DOCK7: variants seen among roughly 807,000 people sequenced by gnomAD.
DOCK7 encodes dedicator of cytokinesis protein 7.
Under a neutral mutation model 271.0 loss-of-function variants are expected in DOCK7, and 138 were observed. The observed-to-expected ratio is 0.51, with a 90% CI of 0.44 to 0.59. The LOEUF is 0.59. Ranked by LOEUF, DOCK7 falls within the 20% of genes least tolerant of loss-of-function variation. The pLI is 0.00. For missense variants in DOCK7, 2,066 were observed against 2,592.4 expected (o/e 0.80, Z 4.41); for synonymous variants, 823 against 876.1 (o/e 0.94, Z 1.07).
chr1:62,492,393 A>G lies in DOCK7; in HGVS notation c.5361+311T>C. ...AGCCTCAACCTCTTGGGCTCAAGCA[A>G]TCCTCCCACCTCAGCCTCTCAAGTA... On this transcript the variant is annotated intron_variant, in intron 41 of 49. Transcript: ENST00000635253. 3 of 273,536 alleles carry G rather than the reference A, an allele frequency of 1.1e-5. 1 individual carries two copies. In the South Asian group the frequency reaches 1.3e-4, roughly 11 times the overall value. 16.9% of individuals were successfully genotyped at this position (273,536 alleles called of 1,614,324 possible).
chr1:62,537,133 A>G (rs2149388361), intron 28 of DOCK7, among the ~76,000 whole-genome samples: 1 of 152,272 alleles, frequency 6.6e-6, no homozygotes, highest in South Asian at 2.1e-4. Flanking sequence ...TTTCACAGGT[A>G]TTGATCTCTA....
At chr1:62,527,885 A>AG (rs1430673824) in intron 31 of DOCK7, among the ~76,000 whole-genome samples, 2 of 151,554 alleles carry the variant, frequency 1.3e-5, no homozygotes, top group Non-Finnish European at 2.9e-5. Flanking sequence ...AAAAAAAAAA[A>AG]AAAAAGAAAT....
intron 1 of DOCK7, among the ~76,000 whole-genome samples, chr1:62,667,796 C>T (rs1318261327): frequency 6.6e-6 from 1 of 152,012 alleles, no homozygotes; most frequent in Non-Finnish European, 1.5e-5. Flanking sequence ...GGCAGGCGAA[C>T]TGCCTGAGGT....
chr1:62,677,282 C>T (rs1291775441), intron 1 of DOCK7, among the ~76,000 whole-genome samples: 1 of 152,158 alleles, frequency 6.6e-6, no homozygotes, highest in Non-Finnish European at 1.5e-5. Flanking sequence ...TCCTATACCC[C>T]TAAACATAGT....
intron 24 of DOCK7, 126 bp from the exon 25 acceptor site, chr1:62,542,829 A>G (rs1223862865): frequency 6.8e-6 from 5 of 736,970 alleles, no homozygotes; most frequent in Non-Finnish European, 8.9e-6. Flanking sequence ...GAACCATTCA[A>G]TGATGCACTG....
intron 48 of DOCK7, chr1:62,458,156 GGTGTGTGTGTGTGTGT>G: frequency 6.5e-6 from 1 of 153,032 alleles, no homozygotes; most frequent in Admixed American, 6.4e-5. Flanking sequence ...CTCAAACGTG[GGTGTGTGTGTGTGTGT>G]GTGTGTGTGT....
chr1:62,525,589 GGGGAGGGA>G (rs1644983233), intron 31 of DOCK7, among the ~76,000 whole-genome samples: 3 of 152,282 alleles, frequency 2.0e-5, no homozygotes, highest in African/African-American at 2.4e-5. Context: ...GTCATTCCCA[GGGGAGGGA>G]GAGATCAAAT....
intron 48 of DOCK7, among the ~76,000 whole-genome samples, chr1:62,467,832 T>C (rs1645720904): frequency 6.6e-6 from 1 of 152,110 alleles, no homozygotes; most frequent in Non-Finnish European, 1.5e-5. Flanking sequence ...ATATCCCTGA[T>C]GAACATAGAA....
Position 62,543,673 on chromosome 1 carries a change from G to T in DOCK7, c.2932C>A (p.Arg978Ser). 4 of 1,598,480 alleles carry T rather than the reference G, an allele frequency of 2.5e-6. No individual in the cohort carries two copies. Among genetic ancestry groups the T allele is most frequent in the Middle Eastern group, 3.3e-4 (2 of 6,000 alleles). The change falls in exon 24 of 50, where the codon CGC becomes AGC. Residue 978 changes from arginine (R) to serine (S), a missense_variant. Physicochemically the swap from Arg to Ser is moderately radical, Grantham distance 110. Around this residue, in one of 2 missense-constraint regions of DOCK7, gnomAD observed 1,414 missense variants for 1,670.4 expected, o/e 0.85. Transcript: ENST00000635253. Reference sequence around the variant, plus strand: ...GAATCTACCTTTTTAGTTGGTAAGCGTCCCGTTAATGTTTGTAAGAAACTT... The same window carrying T: ...GAATCTACCTTTTTAGTTGGTAAGCTTCCCGTTAATGTTTGTAAGAAACTT... ...TSSFLQTLTGRLPTKKLFHEE... is the reference protein window; with the variant it reads ...TSSFLQTLTGSLPTKKLFHEE...
chr1:62,637,195 G>A (rs748487536), intron 7 of DOCK7, among the ~76,000 whole-genome samples: 1 of 151,970 alleles, frequency 6.6e-6, no homozygotes, highest in Non-Finnish European at 1.5e-5. Context: ...AAATTTTCAC[G>A]TTATAAATAT....
intron 43 of DOCK7, chr1:62,478,121 T>C (rs191917381): frequency 1.3e-5 from 3 of 239,704 alleles, no homozygotes; most frequent in Admixed American, 1.0e-4. Context: ...TTTAAATCTA[T>C]ATAACTGAGA....
At chr1:62,481,228 A>T (rs1232802370) in intron 43 of DOCK7, among the ~76,000 whole-genome samples, 1 of 152,134 alleles carries the variant, frequency 6.6e-6, no homozygotes, top group African/African-American at 2.4e-5. Context: ...TGGTTGGAGC[A>T]GAGTAAGCAA....
chr1:62,602,468 T>C, intron 14 of DOCK7: 1 of 1,180,014 alleles, frequency 8.5e-7, no homozygotes, highest in African/African-American at 1.5e-5. Context: ...TTAGGAAAAG[T>C]AGTAACGAAC....
At chr1:62,628,648 GA>G (rs1654238422) in intron 11 of DOCK7, 1 of 152,010 alleles carries the variant, frequency 6.6e-6, no homozygotes, top group East Asian at 1.9e-4. Context: ...TGGTTTCTTA[GA>G]TAAAACACCA....
At chr1:62,570,646 C>T (rs1354545103) in intron 18 of DOCK7, among the ~76,000 whole-genome samples, 1 of 152,160 alleles carries the variant, frequency 6.6e-6, no homozygotes, top group Non-Finnish European at 1.5e-5. Flanking sequence ...CGCTACCCAA[C>T]TTCAAACTAT....
At chr1:62,634,729 A>T in intron 9 of DOCK7, 44 bp downstream of exon 9, 3 of 1,566,778 alleles carry the variant, frequency 1.9e-6, no homozygotes, top group Non-Finnish European at 2.6e-6. Flanking sequence ...AGACAAGTAT[A>T]CAGACACTAC....
At chr1:62,574,481 C>T (rs1423899171) in intron 18 of DOCK7, among the ~76,000 whole-genome samples, 3 of 151,940 alleles carry the variant, frequency 2.0e-5, no homozygotes, top group African/African-American at 7.3e-5. Flanking sequence ...CTCACAAGCT[C>T]ATAGACACCA....
intron 1 of DOCK7, among the ~76,000 whole-genome samples, chr1:62,663,479 A>G (rs1658920104): frequency 6.6e-6 from 1 of 152,144 alleles, no homozygotes; most frequent in Admixed American, 6.5e-5. Context: ...TAAAATGTAT[A>G]TACTTTAAAG....
At chr1:62,567,193 C>G (rs959178699) in intron 18 of DOCK7, among the ~76,000 whole-genome samples, 4 of 152,208 alleles carry the variant, frequency 2.6e-5, no homozygotes, top group Admixed American at 6.5e-5. Context: ...AATCCCATTA[C>G]TGGGTATATA....
Sources: allele counts gnomAD v4.1 joint callset (sites outside exome capture counted in the v4.1 genomes callset), GRCh38; gene constraint gnomAD v4.1.1; regional missense constraint gnomAD v4.1.1; transcripts MANE v1.5; gene names NCBI Gene and HGNC (gene_info 2026-07-23, HGNC 2026-07-21).